RAD51B: variants seen among roughly 807,000 people sequenced by gnomAD.
The protein encoded by RAD51B is RAD51 paralog B, also known as DNA repair protein RAD51 homolog 2.
A neutral mutation model predicts 42.2 loss-of-function variants in RAD51B; 38 were observed. That is an observed-to-expected ratio of 0.90 (90% CI 0.70 to 1.18). The LOEUF (loss-of-function observed/expected upper bound fraction) is 1.18, where lower values mean the gene tolerates loss of function less well. Among genes scored for constraint, RAD51B ranks in the 50% most tolerant of loss-of-function variants. The probability of loss-of-function intolerance (pLI) is 0.00; values close to 1 mark genes in which losing one functional copy is unlikely to be tolerated. For synonymous variants in RAD51B, 154 were observed against 145.2 expected (o/e 1.06, Z -0.43); for missense variants, 373 against 400.7 (o/e 0.93, Z 0.59).
chr14:68,569,300 A>C (rs1177708578), intron 10 of RAD51B, among the ~76,000 whole-genome samples: 1 of 152,280 alleles, frequency 6.6e-6, no homozygotes, highest in South Asian at 2.1e-4. Flanking sequence ...CAACTTAAGG[A>C]GTAAAGGCCT....
intron 11 of RAD51B, among the ~76,000 whole-genome samples, chr14:68,651,018 G>C (rs1253780561): frequency 6.6e-6 from 1 of 152,194 alleles, no homozygotes; most frequent in Non-Finnish European, 1.5e-5. Flanking sequence ...GCACTACTGG[G>C]TTAACAGTAC....
At chr14:68,244,606 G>A (rs561723097) in intron 7 of RAD51B, among the ~76,000 whole-genome samples, 1 of 152,342 alleles carries the variant, frequency 6.6e-6, no homozygotes, top group South Asian at 2.1e-4. Flanking sequence ...ACAGTGGGTA[G>A]GGGTTAACAA....
intron 10 of RAD51B, among the ~76,000 whole-genome samples, chr14:68,505,845 GC>G (rs1885279465): frequency 6.6e-6 from 1 of 152,170 alleles, no homozygotes; most frequent in Non-Finnish European, 1.5e-5. Flanking sequence ...GAGCGACCGC[GC>G]CCAGCCAGAT....
intron 7 of RAD51B, among the ~76,000 whole-genome samples, chr14:67,909,643 G>T (rs1313960336): frequency 1.3e-5 from 2 of 152,138 alleles, no homozygotes; most frequent in African/African-American, 4.8e-5. Context: ...TGATGTGGGT[G>T]AATATTTAAT....
chr14:68,186,952 A>G (rs1271010272), intron 7 of RAD51B, among the ~76,000 whole-genome samples: 1 of 152,216 alleles, frequency 6.6e-6, no homozygotes, highest in Non-Finnish European at 1.5e-5. Flanking sequence ...GATAGCAAAG[A>G]CATGGAATCA....
chr14:68,550,559 A>G (rs1220021006), intron 10 of RAD51B, among the ~76,000 whole-genome samples: 1 of 152,210 alleles, frequency 6.6e-6, no homozygotes, highest in Non-Finnish European at 1.5e-5. Flanking sequence ...TGTAAACAGC[A>G]TTTTGCCTGT....
At position 68,670,281 on chromosome 14, in the gene RAD51B, G is replaced by T. The variant is rs550246541; in HGVS notation, c.*11+19425G>T. Among the ~76,000 whole-genome samples, 10 of 152,330 alleles carry T rather than the reference G, an allele frequency of 6.6e-5. No homozygotes were observed. In the South Asian group the frequency reaches 2.1e-3, roughly 32 times the overall value. On this transcript the variant is annotated intron_variant, in intron 11 of 11. Transcript: ENST00000488612. Reference sequence around the variant, plus strand: ...AAGGAAATCAGCATGGGGCTCCGGGGCTTGGTGGAACAGTGGACAGATGGA... The same window carrying T: ...AAGGAAATCAGCATGGGGCTCCGGGTCTTGGTGGAACAGTGGACAGATGGA...
At chr14:68,288,781 T>C (rs1213055335) in intron 7 of RAD51B, among the ~76,000 whole-genome samples, 1 of 152,232 alleles carries the variant, frequency 6.6e-6, no homozygotes, top group African/African-American at 2.4e-5. Flanking sequence ...AATTTTTTTC[T>C]CATTACTATT....
downstream of RAD51B, among the ~76,000 whole-genome samples, chr14:68,613,209 A>G (rs1172602934): frequency 6.6e-6 from 1 of 152,164 alleles, no homozygotes; most frequent in Non-Finnish European, 1.5e-5. Flanking sequence ...TGAGGTCAGG[A>G]GTTCAAGACC....
chr14:68,571,830 G>T (rs1310789387), intron 10 of RAD51B, among the ~76,000 whole-genome samples: 2 of 151,790 alleles, frequency 1.3e-5, no homozygotes, highest in Non-Finnish European at 2.9e-5. Flanking sequence ...TGTTTTTTGA[G>T]AATCTCCTTG....
At chr14:68,218,225 G>A (rs1175539673) in intron 7 of RAD51B, among the ~76,000 whole-genome samples, 1 of 152,196 alleles carries the variant, frequency 6.6e-6, no homozygotes, top group East Asian at 1.9e-4. Flanking sequence ...ACAATTTTAA[G>A]ACCTGTTCTG....
intron 7 of RAD51B, among the ~76,000 whole-genome samples, chr14:68,278,829 G>A (rs1291215825): frequency 6.6e-6 from 1 of 152,154 alleles, no homozygotes; most frequent in Non-Finnish European, 1.5e-5. Flanking sequence ...ATAGATGGCA[G>A]GTCATTTTGA....
At chr14:68,636,400 T>C (rs1225467798) in intron 10 of RAD51B, among the ~76,000 whole-genome samples, 1 of 151,994 alleles carries the variant, frequency 6.6e-6, no homozygotes, top group Non-Finnish European at 1.5e-5. Context: ...CTGGCCAACA[T>C]GGTGAAACCA....
chr14:67,831,101 G>T (rs1008254392), intron 3 of RAD51B, among the ~76,000 whole-genome samples: 2 of 151,760 alleles, frequency 1.3e-5, no homozygotes, highest in Non-Finnish European at 2.9e-5. Flanking sequence ...TCTCGAACTC[G>T]TGACCTCAGG....
intron 4 of RAD51B, among the ~76,000 whole-genome samples, chr14:67,858,982 G>A (rs1376177047): frequency 6.6e-6 from 1 of 152,220 alleles, no homozygotes; most frequent in Non-Finnish European, 1.5e-5. Flanking sequence ...ATTCTCCAAA[G>A]CAGGGTATGT....
intron 10 of RAD51B, among the ~76,000 whole-genome samples, chr14:68,508,888 G>C (rs1203606139): frequency 6.6e-6 from 1 of 152,276 alleles, no homozygotes; most frequent in East Asian, 1.9e-4. Flanking sequence ...AAAGGGGTTT[G>C]CTTTTAGGGA....
chr14:68,135,172 T>G (rs989902474), intron 7 of RAD51B, among the ~76,000 whole-genome samples: 5 of 152,180 alleles, frequency 3.3e-5, no homozygotes, highest in African/African-American at 1.2e-4. Flanking sequence ...TAATACCTGC[T>G]TTTCTCTAGT....
intron 10 of RAD51B, among the ~76,000 whole-genome samples, chr14:68,513,557 C>A (rs1594931128): frequency 6.6e-6 from 1 of 152,116 alleles, no homozygotes; most frequent in Non-Finnish European, 1.5e-5. Flanking sequence ...AAATACAGAC[C>A]CCACCTTTGG....
intron 7 of RAD51B, among the ~76,000 whole-genome samples, chr14:67,911,053 A>G (rs776882518): frequency 4.6e-5 from 7 of 152,114 alleles, no homozygotes; most frequent in Non-Finnish European, 7.4e-5. Context: ...CCTGGCCTCA[A>G]GTGATCCACC....
Sources: gnomAD v4.1 joint callset for allele counts (sites outside exome capture counted in the v4.1 genomes callset) on GRCh38, gnomAD v4.1.1 for gene constraint, MANE v1.5 for transcripts, NCBI Gene and HGNC (gene_info 2026-07-23, HGNC 2026-07-21) for gene names.